The following NHS variants were observed in gnomAD, a reference collection of about 807,000 sequenced individuals.
NHS encodes the protein NHS actin remodeling regulator, also known as actin remodeling regulator NHS.
A neutral mutation model predicts 72.5 loss-of-function variants in NHS; 5 were observed. The ratio of observed to expected loss-of-function variants is 0.07; its 90% CI spans 0.04 to 0.14. NHS has a LOEUF of 0.14. Ranked by LOEUF, NHS falls within the 10% of genes least tolerant of loss-of-function variation. The pLI is 1.00. For synonymous variants in NHS, 464 were observed against 547.7 expected (o/e 0.85, Z 2.13); for missense variants, 1,072 against 1,355.7 (o/e 0.79, Z 3.29).
At chrX:17,545,922 C>T (rs1377093529) in intron 1 of NHS, among the ~76,000 whole-genome samples, 1 of 112,322 alleles carries the variant, frequency 8.9e-6, no homozygotes, top group Non-Finnish European at 1.9e-5. Context: ...TAGCAGAAGG[C>T]ATTGGTTAAA....
intron 1 of NHS, among the ~76,000 whole-genome samples, chrX:17,469,645 A>G (rs1294539309): frequency 8.9e-6 from 1 of 111,974 alleles, no homozygotes; most frequent in African/African-American, 3.2e-5. Flanking sequence ...AATGAGTTCT[A>G]TAAGTTTGTT....
intron 3 of NHS, among the ~76,000 whole-genome samples, chrX:17,718,082 C>T (rs906065405): frequency 5.4e-5 from 6 of 110,707 alleles, no homozygotes; most frequent in Non-Finnish European, 9.4e-5. Context: ...TTAAGTGCCA[C>T]GATTCTTCTA....
At chrX:17,469,812 T>C (rs2064884459) in intron 1 of NHS, among the ~76,000 whole-genome samples, 1 of 111,285 alleles carries the variant, frequency 9.0e-6, no homozygotes, top group Non-Finnish European at 1.9e-5. Context: ...GGCCAATTTT[T>C]GTATTTTTAG....
At chrX:17,457,797 A>C (rs2064831108) in intron 1 of NHS, among the ~76,000 whole-genome samples, 1 of 111,278 alleles carries the variant, frequency 9.0e-6, no homozygotes, top group Non-Finnish European at 1.9e-5. Flanking sequence ...TGAGGGTAGA[A>C]ACCATGTATA....
At chrX:17,379,216 G>A (rs1354377858) in intron 1 of NHS, among the ~76,000 whole-genome samples, 3 of 108,925 alleles carry the variant, frequency 2.8e-5, no homozygotes, top group Non-Finnish European at 5.7e-5. Flanking sequence ...TTCTTGCAGG[G>A]GCAACATGAT....
chrX:17,551,694 G>A (rs1043596024), intron 1 of NHS, among the ~76,000 whole-genome samples: 5 of 111,670 alleles, frequency 4.5e-5, no homozygotes, highest in African/African-American at 1.6e-4. Context: ...CAAGTGCAGA[G>A]AATCAAATGA....
intron 1 of NHS, among the ~76,000 whole-genome samples, chrX:17,495,235 A>G (rs1363505026): frequency 8.9e-6 from 1 of 111,800 alleles, no homozygotes; most frequent in East Asian, 2.8e-4. Context: ...TCCTACTTCT[A>G]TCTTGGTCTG....
rs752517152 is a variant in NHS, at chrX:17,640,897, C to T, written c.566-46845C>T. Among the ~76,000 whole-genome samples the T allele has an allele frequency of 2.1e-3, 240 of 112,295 alleles. 1 individual carries two copies. In the Middle Eastern group the frequency reaches 0.032, roughly 15 times the overall value. On this transcript the variant is annotated intron_variant, in intron 1 of 8. Coordinates refer to ENST00000676302, the MANE Select transcript of NHS (RefSeq NM_001291867.2). Reference sequence around the variant, plus strand: ...ATCCCAACTAATACAGGCCCATAGTCCCTGCTTTGAAAACCAGGGGTGATG... The same window carrying T: ...ATCCCAACTAATACAGGCCCATAGTTCCTGCTTTGAAAACCAGGGGTGATG...
intron 1 of NHS, among the ~76,000 whole-genome samples, chrX:17,511,937 A>AAT (rs1181928350): frequency 2.7e-5 from 3 of 111,450 alleles, no homozygotes; most frequent in Non-Finnish European, 5.7e-5. Context: ...TTGGTGTATA[A>AAT]ATACCCCAGC....
At chrX:17,593,568 T>C (rs759897148) in intron 1 of NHS, among the ~76,000 whole-genome samples, 1 of 110,732 alleles carries the variant, frequency 9.0e-6, no homozygotes, top group African/African-American at 3.3e-5. Flanking sequence ...AAGGGATACC[T>C]AGTTGTTTTG....
chrX:17,467,333 G>A (rs56285951), intron 1 of NHS, among the ~76,000 whole-genome samples: 2,104 of 111,378 alleles, frequency 0.019, 19 homozygotes, highest in Non-Finnish European at 0.031. Flanking sequence ...TTTCCTTTCA[G>A]CTACAAACAC....
At chrX:17,424,641 A>G (rs1260614317) in intron 1 of NHS, among the ~76,000 whole-genome samples, 1 of 112,279 alleles carries the variant, frequency 8.9e-6, no homozygotes, top group Non-Finnish European at 1.9e-5. Flanking sequence ...AAGAAAAGGA[A>G]TAGTACCAGG....
intron 1 of NHS, among the ~76,000 whole-genome samples, chrX:17,617,040 T>C (rs1054106609): frequency 8.9e-6 from 1 of 112,272 alleles, no homozygotes. Context: ...CTGCCTTTTC[T>C]CTCCAGCCTT....
At chrX:17,463,674 TC>T (rs765769322) in intron 1 of NHS, among the ~76,000 whole-genome samples, 1 of 111,550 alleles carries the variant, frequency 9.0e-6, no homozygotes, top group South Asian at 3.8e-4. Flanking sequence ...TCACTGAAAA[TC>T]ACTGGCGAGA....
chrX:17,471,870 G>T (rs190430629), intron 1 of NHS, among the ~76,000 whole-genome samples: 113 of 111,558 alleles, frequency 1.0e-3, no homozygotes, highest in Non-Finnish European at 1.9e-3. Context: ...GAATCTCTGT[G>T]CATGGACCTT....
intron 1 of NHS, among the ~76,000 whole-genome samples, chrX:17,622,050 A>G (rs886086191): frequency 8.9e-6 from 1 of 111,767 alleles, no homozygotes. Flanking sequence ...GGCCCTGAGG[A>G]GGCTGGGTGG....
intron 1 of NHS, among the ~76,000 whole-genome samples, chrX:17,477,496 G>A (rs1328787709): frequency 8.9e-6 from 1 of 111,973 alleles, no homozygotes; most frequent in Non-Finnish European, 1.9e-5. Flanking sequence ...GTGATTGCAA[G>A]GCCTTTGCCT....
At chrX:17,668,044 G>A (rs1016945369) in intron 1 of NHS, among the ~76,000 whole-genome samples, 8 of 104,139 alleles carry the variant, frequency 7.7e-5, no homozygotes, top group African/African-American at 2.5e-4. Flanking sequence ...TTGAGCCCAG[G>A]AGTTTGAGAC....
rs1243456301 is a variant in NHS at position 17,732,563 on chromosome X, G to A, written c.*99G>A. ...CTTGGGAAAAGTCTCAACTTGATGGGGTAGCATCACTGCTAAGCAATGAAT... is the reference window on the plus strand; with the variant it reads ...CTTGGGAAAAGTCTCAACTTGATGGAGTAGCATCACTGCTAAGCAATGAAT... On this transcript the variant is annotated 3_prime_UTR_variant, in exon 9 of 9. Coordinates refer to ENST00000676302, the MANE Select transcript of NHS (RefSeq NM_001291867.2). 1.8e-6 allele frequency: 2 copies of A among 1,110,895 alleles called. No individual in the cohort carries two copies. Among genetic ancestry groups the A allele is most frequent in the Admixed American group, 2.2e-5 (1 of 45,521 alleles). 91.6% of individuals were successfully genotyped at this position (1,110,895 alleles called of 1,213,427 possible).
Sources: allele counts gnomAD v4.1 joint callset (sites outside exome capture counted in the v4.1 genomes callset), GRCh38; gene constraint gnomAD v4.1.1; transcripts MANE v1.5; gene names NCBI Gene and HGNC (gene_info 2026-07-23, HGNC 2026-07-21).